The following MUC5B variants were observed in gnomAD, a reference collection of about 807,000 sequenced individuals.
The protein encoded by MUC5B is mucin 5B, oligomeric mucus/gel-forming, also known as mucin-5B.
In MUC5B, 116 loss-of-function variants were observed where a neutral mutation model predicts 376.9. The ratio of observed to expected loss-of-function variants is 0.31; its 90% CI spans 0.26 to 0.36. The LOEUF is 0.36. Among genes scored for constraint, MUC5B ranks in the 10% least tolerant of loss-of-function variants. MUC5B has a pLI of 1.00. For missense variants in MUC5B, 7,165 were observed against 7,769.9 expected, an observed-to-expected ratio of 0.92 and a Z score of 2.93; for synonymous variants, 3,517 against 3,390.9, an observed-to-expected ratio of 1.04 and a Z score of -1.29.
chr11:1,254,594 G>T, intron 34 of MUC5B, 100 bp from the exon 35 acceptor site: 1 of 1,313,764 alleles, frequency 7.6e-7, no homozygotes, highest in Non-Finnish European at 1.0e-6. Flanking sequence ...GATACACAGG[G>T]GGGTCTCTGC....
chr11:1,243,602 C>T lies in MUC5B; in HGVS notation c.6722C>T (p.Thr2241Ile), dbSNP rs754081753. The change falls in exon 31 of 49, where the codon ACC (threonine) becomes ATC (isoleucine). Residue 2241 changes from threonine (T) to isoleucine (I), a missense_variant. Thr to Ile is a moderately conservative substitution (Grantham distance 89). This residue lies in a region of MUC5B where 67 missense variants were observed against 103.0 expected (regional missense o/e 0.65). Coordinates refer to ENST00000529681, the MANE Select transcript of MUC5B (RefSeq NM_002458.3). ...GTGACTTCCCACACCCTAGCAGCAA[C>T]CACCGGTACCACCCAGCACTCGACT... Reference protein sequence around the residue: ...STVTSHTLAATTGTTQHSTPA... With the variant: ...STVTSHTLAAITGTTQHSTPA... The T allele has an allele frequency of 5.0e-6, 8 of 1,609,872 alleles. No individual in the cohort carries two copies. The East Asian group carries it at 1.6e-4, about 31-fold the overall frequency.
intron 10 of MUC5B, 58 bp downstream of exon 10, chr11:1,229,865 T>C: frequency 6.5e-7 from 1 of 1,543,618 alleles, no homozygotes; most frequent in Non-Finnish European, 8.8e-7. Context: ...CTGGTATTTA[T>C]GAACCCGCCA....
At chr11:1,232,364 C>G (rs1419686911) in intron 15 of MUC5B, 86 bp from the exon 16 acceptor site, 1 of 1,461,868 alleles carries the variant, frequency 6.8e-7, no homozygotes, top group Non-Finnish European at 9.3e-7. Context: ...CTCACTGTTC[C>G]CCGGGCTGAG....
At position 1,237,824 on chromosome 11, in the gene MUC5B, G is replaced by A. The variant is rs527601153; in HGVS notation, c.3297+660G>A. Among the ~76,000 whole-genome samples the A allele has an allele frequency of 2.3e-3, 344 of 152,296 alleles. 3 individuals carry two copies. Among genetic ancestry groups the A allele is most frequent in the African/African-American group, 8.0e-3 (334 of 41,554 alleles). ...GAGGAGGTTGCAGTGAGCCAAGATC[G>A]TGCCACTGCACTCCAGCCTAAGCAA... is the stretch of plus-strand genomic sequence containing the variant. On this transcript the variant is annotated intron_variant, in intron 25 of 48. Coordinates refer to ENST00000529681, the MANE Select transcript of MUC5B (RefSeq NM_002458.3).
In MUC5B at chr11:1,230,161, G is replaced by A. The variant is rs752504297; in HGVS notation, c.1359+18G>A. 6 of 1,575,736 alleles carry A rather than the reference G, an allele frequency of 3.8e-6. No homozygotes were observed. In the South Asian group the frequency reaches 7.1e-5, roughly 19 times the overall value. On this transcript the variant is annotated intron_variant, in intron 11 of 48. Coordinates refer to ENST00000529681, the MANE Select transcript of MUC5B (RefSeq NM_002458.3). The stretch of plus-strand genomic sequence containing the variant: ...TGTCCAAGGTCTGGGCTTGGGGCCG[G>A]GTCTTCAGACACCCAGACCCTCCTG...
intron 26 of MUC5B, 188 bp downstream of exon 26, chr11:1,239,215 T>C (rs1208635729): frequency 2.2e-6 from 2 of 918,614 alleles, no homozygotes; most frequent in African/African-American, 3.3e-5. Flanking sequence ...ACCAGACAGG[T>C]TGCCCCAGCA....
intron 44 of MUC5B, chr11:1,259,506 C>T: frequency 1.7e-6 from 1 of 579,834 alleles, no homozygotes; most frequent in Non-Finnish European, 3.1e-6. Flanking sequence ...GGGACAGGAC[C>T]TGCAGGCTGC....
chr11:1,237,305 G>A (rs892236042), intron 25 of MUC5B, 141 bp downstream of exon 25: 4 of 1,125,282 alleles, frequency 3.6e-6, no homozygotes, highest in Non-Finnish European at 2.3e-6. Flanking sequence ...CTGGATGTCA[G>A]GTCCCAAGTC....
In MUC5B at chr11:1,246,239, G is replaced by C. The variant is rs749029704; in HGVS notation, c.9359G>C (p.Ser3120Thr). The C allele has an allele frequency of 6.2e-7, 1 of 1,611,840 alleles. No homozygotes were observed. Among genetic ancestry groups the C allele is most frequent in the Non-Finnish European group, 8.5e-7 (1 of 1,179,256 alleles). ...AAGGCCACCACGACAAGGGCCACCA[G>C]TTCCATGTCCACCCCCTCCTCCACT... is the stretch of plus-strand genomic sequence containing the variant. ...TTKATTTRAT[S>T]SMSTPSSTPG... Residue 3120 changes from serine to threonine, a missense_variant, in exon 31 of 49, where the codon AGT becomes ACT. This residue lies in a region of MUC5B where 939 missense variants were observed against 770.6 expected (regional missense o/e 1.22). Coordinates refer to ENST00000529681, the MANE Select transcript of MUC5B (RefSeq NM_002458.3).
rs755624443 is a variant in MUC5B at position 1,260,005 on chromosome 11, G to C, written c.16843G>C (p.Val5615Leu). The stretch of plus-strand genomic sequence containing the variant: ...CAACAGCCATGTGGACAACTGCACC[G>C]TGTACCTCTGTGAGGCTGAGGGTGG... ...WVNSHVDNCT[V>L]YLCEAEGGVH... Residue 5615 changes from valine to leucine, a missense_variant, in exon 46 of 49, where the codon GTG becomes CTG. Coordinates refer to ENST00000529681, the MANE Select transcript of MUC5B (RefSeq NM_002458.3). The C allele has an allele frequency of 1.2e-6, 2 of 1,612,952 alleles. No individual in the cohort carries two copies. Among genetic ancestry groups the C allele is most frequent in the Non-Finnish European group, 1.7e-6 (2 of 1,179,770 alleles).
At position 1,261,506 on chromosome 11, in the gene MUC5B, C is replaced by T. The variant is rs1227636989; in HGVS notation, c.17187C>T (p.Tyr5729=). 2 of 1,602,864 alleles carry T rather than the reference C, an allele frequency of 1.2e-6. No homozygotes were observed. Among genetic ancestry groups the T allele is most frequent in the Admixed American group, 1.7e-5 (1 of 58,784 alleles). The part of the protein sequence containing the change: ...CPNGSAILHT[Y]THVDECGCTP... ...ACGGCTCAGCCATCCTGCACACCTA[C>T]ACCCACGTGGATGAGTGTGGCTGCA... The change falls in exon 49 of 49, where the codon TAC becomes TAT. Residue 5729 remains tyrosine (Y), a synonymous_variant. Transcript: ENST00000529681.
At position 1,229,733 on chromosome 11, in the gene MUC5B, C is replaced by T. The variant is rs569619858; in HGVS notation, c.1146C>T (p.Leu382=). 113 of 1,597,336 alleles carry T rather than the reference C, an allele frequency of 7.1e-5. No homozygotes were observed. The South Asian group carries it at 9.6e-4, about 14-fold the overall frequency. Residue 382 remains leucine, a synonymous_variant, in exon 10 of 49, where the codon CTC becomes CTT. Transcript: ENST00000529681. ...DDITHSGCLP[L]GQCPCTHGGR... ...TCACGCACTCTGGCTGCCTGCCCCT[C>T]GGGCAGTGCCCCTGCACCCACGGCG... is the stretch of plus-strand genomic sequence containing the variant.
In MUC5B at chr11:1,245,870, C is replaced by T. The variant is rs1236588184; in HGVS notation, c.8990C>T (p.Thr2997Ile). Residue 2997 changes from threonine (T) to isoleucine (I), a missense_variant, in exon 31 of 49, where the codon ACC (threonine) becomes ATC (isoleucine). By Grantham distance (89) the Thr-to-Ile change is moderately conservative (BLOSUM62 -1). This residue lies in a region of MUC5B where 939 missense variants were observed against 770.6 expected (regional missense o/e 1.22). Coordinates refer to ENST00000529681, the MANE Select transcript of MUC5B (RefSeq NM_002458.3). ...PGTTWILTEQ[T>I]TAATTTATTG... ...ACGACCTGGATCCTCACAGAGCAGACCACAGCAGCCACTACGACCGCAACC... is the reference window on the plus strand; with the variant it reads ...ACGACCTGGATCCTCACAGAGCAGATCACAGCAGCCACTACGACCGCAACC... The T allele has an allele frequency of 3.1e-6, 5 of 1,613,394 alleles. No homozygotes were observed. The highest frequency in any genetic ancestry group is 1.6e-4 in the Middle Eastern group (1 of 6,062).
chr11:1,251,218 A>G lies in MUC5B; in HGVS notation c.14338A>G (p.Thr4780Ala), dbSNP rs747937453. 1.3e-6 allele frequency: 2 copies of G among 1,599,154 alleles called. No homozygotes were observed. The highest frequency in any genetic ancestry group is 2.8e-5 in the African/African-American group (2 of 70,492). ...CATGTCCACCATGTCCACAATCCAC[A>G]CCTCCTCTACTCCAGAGACCACCCA... ...TPMSTMSTIH[T>A]SSTPETTHTS... The change falls in exon 31 of 49, where the codon ACC becomes GCC. Residue 4780 changes from threonine (T) to alanine (A), a missense_variant. Thr to Ala is a moderately conservative substitution (Grantham distance 58). This residue lies in a region of MUC5B where 730 missense variants were observed against 592.7 expected (regional missense o/e 1.23). Transcript: ENST00000529681.
Position 1,255,147 on chromosome 11 carries a change from G to A in MUC5B, c.15771G>A (p.Lys5257=). 2.5e-6 allele frequency: 4 copies of A among 1,571,342 alleles called. No individual in the cohort carries two copies. The highest frequency in any genetic ancestry group is 3.4e-6 in the Non-Finnish European group (4 of 1,159,738). ...CGTGGCTGGTCCCCGACAGCAGAAA[G>A]GATGGCTGCTGGGCCCCGACTGGCA... ...AKTWLVPDSR[K]DGCWAPTGTP... is the part of the protein sequence containing the mutation. The change falls in exon 36 of 49, where the codon AAG becomes AAA. Residue 5257 remains lysine (K), a synonymous_variant. Transcript: ENST00000529681.
At chr11:1,238,682 G>A (rs1862207374) in intron 25 of MUC5B, among the ~76,000 whole-genome samples, 189 bp from the exon 26 acceptor site, 1 of 152,194 alleles carries the variant, frequency 6.6e-6, no homozygotes, top group Admixed American at 6.5e-5. Flanking sequence ...GGGCACAGGT[G>A]GGCTGGAGAA....
Position 1,230,788 on chromosome 11 carries a change from G to T in MUC5B, c.1471-148G>T, listed in dbSNP as rs1310206849. 7 of 1,017,614 alleles carry T rather than the reference G, an allele frequency of 6.9e-6. No homozygotes were observed. In the Admixed American group the frequency reaches 1.2e-4, roughly 17 times the overall value. 63.0% of individuals were successfully genotyped at this position (1,017,614 alleles called of 1,614,324 possible). A position where few individuals can be genotyped will look rare whatever the true frequency, so the allele number is the denominator to read the frequency against. On this transcript the variant is annotated intron_variant, in intron 12 of 48. Transcript: ENST00000529681. ...CCTGAGGTCAGGTCCTCCCGGGGGG[G>T]CAATTGCAGAGCCCACCGCAGGTCC...
At position 1,253,010 on chromosome 11, in the gene MUC5B, C is replaced by G; in HGVS notation, c.15217+30C>G. On this transcript the variant is annotated intron_variant, in intron 33 of 48. Coordinates refer to ENST00000529681, the MANE Select transcript of MUC5B (RefSeq NM_002458.3). The surrounding 1 kb of genome is among the most constrained non-coding windows in gnomAD (Gnocchi z 4.3). ...GTGCGTCGGTGGCCGCGGGATTACC[C>G]CGGGGGCAGGTGGAGCAGAGTGCAC... 1 of 1,611,678 alleles carries G rather than the reference C, an allele frequency of 6.2e-7. No homozygotes were observed. Among genetic ancestry groups the G allele is most frequent in the Non-Finnish European group, 8.5e-7 (1 of 1,179,554 alleles).
chr11:1,230,912 C>T, intron 12 of MUC5B, 24 bp from the exon 13 acceptor site: 1 of 1,568,498 alleles, frequency 6.4e-7, no homozygotes, highest in Non-Finnish European at 8.6e-7. Flanking sequence ...CCAGAGCTGA[C>T]CTCCCGCCCG....
Sources: gnomAD v4.1 joint callset for allele counts (sites outside exome capture counted in the v4.1 genomes callset) on GRCh38, gnomAD v4.1.1 for gene constraint, gnomAD v4.1.1 regional missense constraint, Gnocchi (gnomAD v3.1) non-coding constraint, MANE v1.5 for transcripts, NCBI Gene and HGNC (gene_info 2026-07-23, HGNC 2026-07-21) for gene names.